Variants in TACC2 observed in about 807,000 individuals in gnomAD.
TACC2 encodes transforming acidic coiled-coil containing protein 2.
In TACC2, 137 loss-of-function variants were observed where a neutral mutation model predicts 227.3. The observed-to-expected ratio is 0.60, with a 90% CI of 0.52 to 0.69. TACC2 has a LOEUF of 0.69. TACC2 is among the 30% of genes least tolerant of loss of function. The pLI is 0.00. For synonymous variants in TACC2, 1,523 were observed against 1,487.5 expected, an observed-to-expected ratio of 1.02 and a Z score of -0.55; for missense variants, 3,470 against 3,694.4, an observed-to-expected ratio of 0.94 and a Z score of 1.57.
At chr10:122,116,132 G>A (rs982159977) in intron 5 of TACC2, among the ~76,000 whole-genome samples, 33 of 152,294 alleles carry the variant, frequency 2.2e-4, no homozygotes, top group Admixed American at 4.6e-4. Context: ...CAGGAGAAAC[G>A]AGAGGCCTGA....
rs2093947749 is a variant in TACC2, at chr10:122,180,755, A to T, written c.5835-14285A>T. On this transcript the variant is annotated intron_variant, in intron 7 of 22. Transcript: ENST00000369005. The surrounding 1 kb of genome is among the most constrained non-coding windows in gnomAD (Gnocchi z 4.5). ...CTTATTTTATTTTTTATTTTTTTTG[A>T]GACGGAGTCTCGCTCTGTTGCCGAG... 6.6e-6 allele frequency among the ~76,000 whole-genome samples: 1 copy of T among 151,654 alleles called. No individual in the cohort carries two copies. Among genetic ancestry groups the T allele is most frequent in the Non-Finnish European group, 1.5e-5 (1 of 67,958 alleles).
chr10:122,037,859 G>C (rs1960905660), intron 2 of TACC2, among the ~76,000 whole-genome samples: 1 of 152,216 alleles, frequency 6.6e-6, no homozygotes, highest in Non-Finnish European at 1.5e-5. Context: ...GGATAATAGA[G>C]AGCAAGAAGC....
intron 7 of TACC2, among the ~76,000 whole-genome samples, chr10:122,179,897 T>C (rs1463482601): frequency 2.0e-5 from 3 of 151,812 alleles, no homozygotes; most frequent in East Asian, 3.9e-4. Context: ...CTGGGTAGCA[T>C]AGGGAGCCAC....
Position 122,195,180 on chromosome 10 carries a change from A to G in TACC2, c.5971+4A>G. 1 of 1,606,602 alleles carries G rather than the reference A, an allele frequency of 6.2e-7. No homozygotes were observed. The highest frequency in any genetic ancestry group is 1.1e-5 in the South Asian group (1 of 90,050). On this transcript the variant is annotated splice_donor_region_variant and intron_variant, in intron 8 of 22. Coordinates refer to ENST00000369005, the MANE Select transcript of TACC2 (RefSeq NM_206862.4). ...CAGCCACCCCCGGAAGAACCAGGTA[A>G]CCAAGGGCAGGGAGGCCCCCAGACA...
chr10:122,072,227 T>G (rs567982573), intron 3 of TACC2, among the ~76,000 whole-genome samples: 1 of 152,234 alleles, frequency 6.6e-6, no homozygotes, highest in East Asian at 2.0e-4. Context: ...AGTGCTGGGA[T>G]TACAGGCGTG....
chr10:122,122,731 G>A (rs919339841), intron 5 of TACC2, among the ~76,000 whole-genome samples: 7 of 152,078 alleles, frequency 4.6e-5, no homozygotes, highest in Admixed American at 2.0e-4. Flanking sequence ...TCTGTTCTTC[G>A]CCCTCTTAAG....
rs573862160 is a variant in TACC2 at position 122,097,825 on chromosome 10, A to T, written c.5573+9234A>T. ...GACACAAAGTCAGCTTGCAGTGGAG[A>T]CTTCGTGGACAAGGTCCCTGAGCTG... On this transcript the variant is annotated intron_variant, in intron 5 of 22. Coordinates refer to ENST00000369005, the MANE Select transcript of TACC2 (RefSeq NM_206862.4). Among the ~76,000 whole-genome samples the T allele has an allele frequency of 2.0e-5, 3 of 152,092 alleles. No individual in the cohort carries two copies. In the South Asian group the frequency reaches 6.2e-4, roughly 32 times the overall value.
At chr10:122,191,677 A>G (rs908855038) in intron 7 of TACC2, among the ~76,000 whole-genome samples, 3 of 152,260 alleles carry the variant, frequency 2.0e-5, no homozygotes, top group African/African-American at 4.8e-5. Context: ...TTGCATTTGC[A>G]TATTTACTTC....
chr10:122,109,823 TGCATTCCAGGGGCTTGCTCTGTC>T (rs2083375138), intron 5 of TACC2, among the ~76,000 whole-genome samples: 1 of 152,244 alleles, frequency 6.6e-6, no homozygotes, highest in South Asian at 2.1e-4. Flanking sequence ...TTTTAAAGTC[TGCATTCCAGGGGCTTGCTCTGTC>T]GCTATGCCGC....
At chr10:122,167,374 G>A (rs2093234245) in intron 7 of TACC2, among the ~76,000 whole-genome samples, 1 of 152,252 alleles carries the variant, frequency 6.6e-6, no homozygotes, top group South Asian at 2.1e-4. Flanking sequence ...ACAGTGGCAA[G>A]TACAAAATGG....
At chr10:122,253,624 A>G (rs994019739) in intron 22 of TACC2, among the ~76,000 whole-genome samples, 6 of 152,138 alleles carry the variant, frequency 3.9e-5, no homozygotes, top group African/African-American at 1.4e-4. Context: ...GACGCTCCTC[A>G]CCTCAGATCA....
At chr10:122,236,144 C>T (rs993976167) in intron 16 of TACC2, among the ~76,000 whole-genome samples, 10 of 152,156 alleles carry the variant, frequency 6.6e-5, no homozygotes, top group Non-Finnish European at 8.8e-5. Flanking sequence ...AGGGTAGGCA[C>T]GCCTGTTCTG....
intron 22 of TACC2, among the ~76,000 whole-genome samples, chr10:122,253,244 T>C (rs1180733620): frequency 2.6e-5 from 4 of 152,166 alleles, no homozygotes; most frequent in Non-Finnish European, 4.4e-5. Flanking sequence ...GAGAAGGCCA[T>C]TGGAGATCGG....
intron 3 of TACC2, among the ~76,000 whole-genome samples, chr10:122,076,236 A>G (rs989540856): frequency 9.2e-5 from 14 of 152,136 alleles, no homozygotes; most frequent in African/African-American, 2.9e-4. Flanking sequence ...TGAGCATACT[A>G]GCTCAAGTCT....
chr10:122,167,636 C>T lies in TACC2; in HGVS notation c.5834+23930C>T, dbSNP rs187892807. On this transcript the variant is annotated intron_variant, in intron 7 of 22. Coordinates refer to ENST00000369005, the MANE Select transcript of TACC2 (RefSeq NM_206862.4). ...TCTGGTCCCTTCCCTTATGTGGTTC[C>T]TGACCTTTTCTTTGGGAGCTGTAGA... Among the ~76,000 whole-genome samples the T allele has an allele frequency of 2.8e-3, 420 of 152,298 alleles. 3 individuals are homozygous for T. Among genetic ancestry groups the T allele is most frequent in the African/African-American group, 9.5e-3 (395 of 41,566 alleles).
At chr10:122,146,198 G>T (rs577558916) in intron 7 of TACC2, among the ~76,000 whole-genome samples, 13 of 152,236 alleles carry the variant, frequency 8.5e-5, no homozygotes, top group Middle Eastern at 3.4e-3. Context: ...TTTATGTGTG[G>T]GCTGGGCCGG....
At chr10:122,088,162 G>A (rs1272296727) in intron 4 of TACC2, among the ~76,000 whole-genome samples, 3 of 152,170 alleles carry the variant, frequency 2.0e-5, no homozygotes, top group Admixed American at 1.3e-4. Context: ...GAGGCTGGGA[G>A]CTGTTGACTA....
intron 16 of TACC2, among the ~76,000 whole-genome samples, chr10:122,236,019 A>T (rs1217364133): frequency 6.6e-6 from 1 of 152,166 alleles, no homozygotes; most frequent in Non-Finnish European, 1.5e-5. Context: ...TTCACCCTGC[A>T]TGTATACAGC....
chr10:122,169,656 T>G (rs184251770), intron 7 of TACC2, among the ~76,000 whole-genome samples: 1 of 152,230 alleles, frequency 6.6e-6, no homozygotes, highest in African/African-American at 2.4e-5. Flanking sequence ...TGTTTTCTGT[T>G]CTCTCTCTCT....
Sources: gnomAD v4.1 joint callset for allele counts (sites outside exome capture counted in the v4.1 genomes callset) on GRCh38, gnomAD v4.1.1 for gene constraint, Gnocchi (gnomAD v3.1) non-coding constraint, MANE v1.5 for transcripts, NCBI Gene and HGNC (gene_info 2026-07-23, HGNC 2026-07-21) for gene names.